MAP3K15: variants seen among roughly 807,000 people sequenced by gnomAD.
MAP3K15 encodes MAPK/ERK kinase kinase 15.
In MAP3K15, 124 loss-of-function variants were observed where a neutral mutation model predicts 99.5. The observed-to-expected ratio is 1.25, with a 90% CI of 1.08 to 1.45. MAP3K15 has a LOEUF of 1.45. MAP3K15 is among the 40% of genes most tolerant of loss of function. The pLI is 0.00. For synonymous variants in MAP3K15, 494 were observed against 439.6 expected (o/e 1.12, Z -1.55); for missense variants, 1,242 against 1,079.7 (o/e 1.15, Z -2.11).
intron 9 of MAP3K15, among the ~76,000 whole-genome samples, chrX:19,415,669 G>A (rs1304533766): frequency 1.8e-5 from 2 of 110,453 alleles, no homozygotes; most frequent in Non-Finnish European, 3.8e-5. Flanking sequence ...TTCTGGAGAC[G>A]TGCGACAATT....
chrX:19,430,219 C>T (rs766073858), intron 7 of MAP3K15, among the ~76,000 whole-genome samples: 7 of 112,131 alleles, frequency 6.2e-5, no homozygotes, highest in South Asian at 3.7e-4. Context: ...TGTGAGTTCC[C>T]GAACCTAAGC....
rs372720745 is a variant in MAP3K15 at position 19,392,153 on chromosome X, G to A, written c.2326-46C>T. The stretch of plus-strand genomic sequence containing the variant: ...AAGTGCTTAAAAGACAGGCTGAAAC[G>A]AACTCATATGAAACAGATCTGGACC... On this transcript the variant is annotated intron_variant, in intron 17 of 28. Coordinates refer to ENST00000338883, the MANE Select transcript of MAP3K15 (RefSeq NM_001001671.4). 3,733 of 1,083,542 alleles carry A rather than the reference G, an allele frequency of 3.4e-3. 6 individuals are homozygous for A. Among genetic ancestry groups the A allele is most frequent in the Non-Finnish European group, 4.4e-3 (3,409 of 783,545 alleles). The allele number at this position is 1,083,542 out of a possible 1,213,427, so 89.3% of individuals were successfully genotyped here.
chrX:19,436,780 C>T (rs73455619), intron 6 of MAP3K15, among the ~76,000 whole-genome samples: 1,195 of 111,527 alleles, frequency 0.011, 23 homozygotes, highest in African/African-American at 0.036. Flanking sequence ...CAGGCTGAAG[C>T]GACTCTCATG....
At chrX:19,485,997 T>C (rs935963247) in intron 3 of MAP3K15, among the ~76,000 whole-genome samples, 4 of 112,024 alleles carry the variant, frequency 3.6e-5, no homozygotes, top group African/African-American at 1.3e-4. Context: ...GAGACTTCAG[T>C]ACATAAATGG....
chrX:19,368,850 T>G (rs759479804), intron 25 of MAP3K15, among the ~76,000 whole-genome samples: 1 of 110,268 alleles, frequency 9.1e-6, no homozygotes, highest in South Asian at 3.9e-4. Context: ...AGTTTTTTTT[T>G]TTTTTTTTTT....
chrX:19,428,167 G>A (rs193042905), intron 7 of MAP3K15, among the ~76,000 whole-genome samples: 33 of 111,632 alleles, frequency 3.0e-4, no homozygotes, highest in Non-Finnish European at 4.1e-4. Flanking sequence ...CATATGCTCC[G>A]TGTCTGCACT....
At chrX:19,424,824 T>G (rs1254329246) in intron 9 of MAP3K15, among the ~76,000 whole-genome samples, 2 of 107,947 alleles carry the variant, frequency 1.9e-5, no homozygotes, top group African/African-American at 3.4e-5. Context: ...TTTTTTTTTT[T>G]TTTGTAGACA....
intron 3 of MAP3K15, among the ~76,000 whole-genome samples, chrX:19,477,720 A>AAAAG (rs1555963661): frequency 2.4e-5 from 2 of 83,214 alleles, no homozygotes; most frequent in African/African-American, 8.5e-5. Flanking sequence ...AAAAAAAAAA[A>AAAAG]AAGAAGAAAA....
intron 2 of MAP3K15, among the ~76,000 whole-genome samples, chrX:19,486,848 G>A (rs2064329621): frequency 9.0e-6 from 1 of 111,144 alleles, no homozygotes; most frequent in Admixed American, 9.6e-5. Context: ...TGAGTGCCCT[G>A]CATCTTGCCT....
intron 1 of MAP3K15, among the ~76,000 whole-genome samples, chrX:19,491,611 A>G (rs886559210): frequency 4.5e-5 from 5 of 110,721 alleles, no homozygotes; most frequent in Non-Finnish European, 7.6e-5. Flanking sequence ...GGGCCACAAT[A>G]CCCCAGAAAA....
intron 14 of MAP3K15, among the ~76,000 whole-genome samples, chrX:19,399,195 C>T (rs2063589765): frequency 8.9e-6 from 1 of 111,891 alleles, no homozygotes; most frequent in African/African-American, 3.2e-5. Context: ...AATCCTAGCA[C>T]TTTGGGAGGC....
At position 19,395,119 on chromosome X, in the gene MAP3K15, T is replaced by C; in HGVS notation, c.2156A>G (p.Asn719Ser). 1 of 1,209,197 alleles carries C rather than the reference T, an allele frequency of 8.3e-7. No homozygotes were observed. The highest frequency in any genetic ancestry group is 1.7e-5 in the African/African-American group (1 of 57,584). ...IVQYLGSVSE[N>S]GYIKIFMEQV... Reference sequence around the variant, plus strand: ...CTCCATAAATATCTTAATGTAGCCGTTCTCTGAAACAGAGCCCAGGTACTG... The same window carrying C: ...CTCCATAAATATCTTAATGTAGCCGCTCTCTGAAACAGAGCCCAGGTACTG... The change falls in exon 16 of 29, where the codon AAC becomes AGC. Residue 719 changes from asparagine to serine, a missense_variant. Coordinates refer to ENST00000338883, the MANE Select transcript of MAP3K15 (RefSeq NM_001001671.4).
Position 19,381,247 on chromosome X carries a change from C to T in MAP3K15, c.2432-970G>A, listed in dbSNP as rs530279343. On this transcript the variant is annotated intron_variant, in intron 18 of 28. Coordinates refer to ENST00000338883, the MANE Select transcript of MAP3K15 (RefSeq NM_001001671.4). ...GGGAGAAGGTCTCTGAAGGACAAAG[C>T]GGGAGGGAGCAGGGTGGGCAGGGCC... 3.6e-5 allele frequency among the ~76,000 whole-genome samples: 4 copies of T among 111,614 alleles called. 1 individual carries two copies. The South Asian group carries it at 1.1e-3, about 31-fold the overall frequency.
rs757408809 is a variant in MAP3K15 at position 19,513,055 on chromosome X, T to C, written c.361+1846A>G. ...CTCAAACCTCTGAAAGCAATTCTAA[T>C]GCACTGAGAAATGATTTACTCAAGA... On this transcript the variant is annotated intron_variant, in intron 1 of 28. Coordinates refer to ENST00000338883, the MANE Select transcript of MAP3K15 (RefSeq NM_001001671.4). 1.5e-4 allele frequency among the ~76,000 whole-genome samples: 17 copies of C among 111,515 alleles called. No homozygotes were observed. The Admixed American group carries it at 1.5e-3, about 10-fold the overall frequency.
intron 4 of MAP3K15, among the ~76,000 whole-genome samples, chrX:19,460,931 C>T (rs1487222197): frequency 9.2e-6 from 1 of 108,441 alleles, no homozygotes; most frequent in African/African-American, 3.4e-5. Flanking sequence ...TGTGCCACTA[C>T]ACCTGGCTAA....
At chrX:19,489,004 T>C in intron 1 of MAP3K15, 37 bp from the exon 2 acceptor site, 5 of 1,173,581 alleles carry the variant, frequency 4.3e-6, no homozygotes, top group Non-Finnish European at 5.7e-6. Context: ...TTAGGGGAGA[T>C]GATCTGTCTA....
At chrX:19,489,939 G>A (rs1163966796) in intron 1 of MAP3K15, among the ~76,000 whole-genome samples, 2 of 110,761 alleles carry the variant, frequency 1.8e-5, no homozygotes, top group African/African-American at 3.3e-5. Flanking sequence ...GGGAGGCTAA[G>A]GCAGGAGAAT....
At chrX:19,363,714 A>G (rs2063314691) in intron 25 of MAP3K15, among the ~76,000 whole-genome samples, 1 of 106,760 alleles carries the variant, frequency 9.4e-6, no homozygotes, top group South Asian at 4.1e-4. Flanking sequence ...GTGCAGTGGC[A>G]CAATCTCGGC....
intron 1 of MAP3K15, 39 bp downstream of exon 1, chrX:19,514,862 G>C: frequency 1.1e-6 from 1 of 934,592 alleles, no homozygotes; most frequent in Non-Finnish European, 1.4e-6. Context: ...TGTGAGGGTA[G>C]GTGAACTGGG....
Sources: allele counts gnomAD v4.1 joint callset (sites outside exome capture counted in the v4.1 genomes callset), GRCh38; gene constraint gnomAD v4.1.1; transcripts MANE v1.5; gene names NCBI Gene and HGNC (gene_info 2026-07-23, HGNC 2026-07-21).